Variants in CACNG3 observed in about 807,000 individuals in gnomAD.
The protein encoded by CACNG3 is voltage-dependent calcium channel gamma-3 subunit.
CACNG3 carries 3 observed loss-of-function variants against 28.5 expected under a neutral mutation model. That is an observed-to-expected ratio of 0.11 (90% CI 0.05 to 0.27). CACNG3 has a LOEUF of 0.27. Among genes scored for constraint, CACNG3 ranks in the 10% least tolerant of loss-of-function variants. The pLI, the probability that CACNG3 is intolerant of heterozygous loss-of-function variation, is 1.00. For synonymous variants in CACNG3, 174 were observed against 162.2 expected (o/e 1.07, Z -0.55); for missense variants, 236 against 414.4 (o/e 0.57, Z 3.74).
At chr16:24,260,817 G>A (rs1025740845) in intron 1 of CACNG3, among the ~76,000 whole-genome samples, 1 of 152,146 alleles carries the variant, frequency 6.6e-6, no homozygotes, top group Non-Finnish European at 1.5e-5. Flanking sequence ...CAACAAGAAC[G>A]CCCAACTCAT....
At chr16:24,320,783 G>A (rs567440241) in intron 1 of CACNG3, among the ~76,000 whole-genome samples, 23 of 152,220 alleles carry the variant, frequency 1.5e-4, no homozygotes, top group African/African-American at 4.8e-4. Flanking sequence ...AGGCTGGAAC[G>A]CAGTGGCATG....
chr16:24,324,127 T>A (rs1899503037), intron 1 of CACNG3, among the ~76,000 whole-genome samples: 1 of 152,128 alleles, frequency 6.6e-6, no homozygotes, highest in African/African-American at 2.4e-5. Flanking sequence ...CAGACAACAA[T>A]AAAGCCTGTT....
intron 1 of CACNG3, among the ~76,000 whole-genome samples, chr16:24,273,011 A>G (rs891963461): frequency 6.6e-6 from 1 of 152,100 alleles, no homozygotes; most frequent in Non-Finnish European, 1.5e-5. Flanking sequence ...TCTACCCTCC[A>G]GTAGGCCCCA....
At chr16:24,337,155 C>G (rs574391126) in intron 1 of CACNG3, among the ~76,000 whole-genome samples, 2 of 152,262 alleles carry the variant, frequency 1.3e-5, no homozygotes, top group African/African-American at 2.4e-5. Flanking sequence ...AGGACGTGAG[C>G]ATTCAGTCCA....
At chr16:24,357,785 C>T (rs1340980832) in intron 3 of CACNG3, among the ~76,000 whole-genome samples, 3 of 152,262 alleles carry the variant, frequency 2.0e-5, no homozygotes, top group Admixed American at 2.0e-4. Context: ...TCCAGAGGAT[C>T]AGTACCAGTG....
At chr16:24,344,705 C>A (rs1159537512) in intron 1 of CACNG3, among the ~76,000 whole-genome samples, 1 of 152,184 alleles carries the variant, frequency 6.6e-6, no homozygotes, top group Non-Finnish European at 1.5e-5. Context: ...AGCGGAGAAT[C>A]AGAACCAAGG....
rs994702258 is a variant in CACNG3, at chr16:24,349,094, G to A, written c.295+2277G>A. Among the ~76,000 whole-genome samples the A allele has an allele frequency of 7.2e-5, 11 of 152,226 alleles. No homozygotes were observed. The East Asian group carries it at 1.5e-3, about 21-fold the overall frequency. On this transcript the variant is annotated intron_variant, in intron 2 of 3. Coordinates refer to ENST00000005284, the MANE Select transcript of CACNG3 (RefSeq NM_006539.4). Reference sequence around the variant, plus strand: ...GTTTTGGAATTCCTGATCCAGCCACGTAGGGCTGGGAGCACATTCCTGCAG... The same window carrying A: ...GTTTTGGAATTCCTGATCCAGCCACATAGGGCTGGGAGCACATTCCTGCAG...
At chr16:24,336,559 G>C (rs1899713465) in intron 1 of CACNG3, among the ~76,000 whole-genome samples, 1 of 84,534 alleles carries the variant, frequency 1.2e-5, no homozygotes, top group Non-Finnish European at 2.3e-5. Flanking sequence ...ACAGGCGTGA[G>C]CCACTGTGCC....
chr16:24,291,243 T>C (rs1331500748), intron 1 of CACNG3, among the ~76,000 whole-genome samples: 1 of 152,230 alleles, frequency 6.6e-6, no homozygotes, highest in Non-Finnish European at 1.5e-5. Context: ...GATTACACAC[T>C]GTGAGTCATC....
intron 2 of CACNG3, 62 bp downstream of exon 2, chr16:24,346,879 G>C: frequency 1.5e-6 from 2 of 1,323,884 alleles, no homozygotes; most frequent in East Asian, 2.3e-5. Context: ...CCATCACTCA[G>C]CTGCCTCTGA....
chr16:24,268,606 C>T (rs540190945), intron 1 of CACNG3, among the ~76,000 whole-genome samples: 3 of 152,316 alleles, frequency 2.0e-5, no homozygotes, highest in Admixed American at 1.3e-4. Context: ...ATTGAGACAT[C>T]GTAGCACTAG....
chr16:24,277,779 CAAA>C (rs34379768), intron 1 of CACNG3, among the ~76,000 whole-genome samples: 5 of 97,754 alleles, frequency 5.1e-5, no homozygotes, highest in Non-Finnish European at 4.3e-5. Flanking sequence ...GACTCCATCT[CAAA>C]AAAAAAAAAA....
chr16:24,301,020 G>T (rs1448503585), intron 1 of CACNG3, among the ~76,000 whole-genome samples: 4 of 147,042 alleles, frequency 2.7e-5, no homozygotes, highest in African/African-American at 7.7e-5. Flanking sequence ...TCCAGCCTGG[G>T]TGACAAGAGC....
intron 1 of CACNG3, among the ~76,000 whole-genome samples, chr16:24,294,362 C>G (rs1251591752): frequency 6.6e-6 from 1 of 152,120 alleles, no homozygotes; most frequent in African/African-American, 2.4e-5. Flanking sequence ...CCTCGGGGTC[C>G]CCAGCCGCTG....
rs372214279 is a variant in CACNG3 at position 24,262,653 on chromosome 16, C to G, written c.211+5688C>G. 3.3e-5 allele frequency among the ~76,000 whole-genome samples: 5 copies of G among 152,288 alleles called. No individual in the cohort carries two copies. The East Asian group carries it at 7.7e-4, about 24-fold the overall frequency. ...AAACCATTCATTCTGATTGTCTGGT[C>G]TTGTGTCCCATTGGTTGTTACATAT... On this transcript the variant is annotated intron_variant, in intron 1 of 3. Transcript: ENST00000005284.
chr16:24,358,427 T>C (rs1168322914), intron 3 of CACNG3, among the ~76,000 whole-genome samples: 3 of 152,238 alleles, frequency 2.0e-5, no homozygotes, highest in African/African-American at 7.2e-5. Flanking sequence ...TGAGTTGGTA[T>C]TGATAAAGTG....
chr16:24,260,030 T>C (rs776272749), intron 1 of CACNG3, among the ~76,000 whole-genome samples: 68 of 152,202 alleles, frequency 4.5e-4, no homozygotes, highest in Admixed American at 3.2e-3. Flanking sequence ...TGCACTGGTA[T>C]TGACTATGTG....
At chr16:24,305,192 A>G (rs1899168612) in intron 1 of CACNG3, among the ~76,000 whole-genome samples, 1 of 152,012 alleles carries the variant, frequency 6.6e-6, no homozygotes, top group Admixed American at 6.6e-5. Context: ...ATAATAGGAG[A>G]TGCTATGCAT....
intron 1 of CACNG3, among the ~76,000 whole-genome samples, chr16:24,345,231 A>G (rs1450243350): frequency 2.6e-5 from 4 of 152,192 alleles, no homozygotes; most frequent in Non-Finnish European, 5.9e-5. Context: ...TCCGTTTCCC[A>G]CGACATCACA....
Sources: allele counts gnomAD v4.1 joint callset (sites outside exome capture counted in the v4.1 genomes callset), GRCh38; gene constraint gnomAD v4.1.1; transcripts MANE v1.5; gene names NCBI Gene and HGNC (gene_info 2026-07-23, HGNC 2026-07-21).